SEC23IP: variants seen among roughly 807,000 people sequenced by gnomAD.
The protein encoded by SEC23IP is SEC23 interacting protein.
Under a neutral mutation model 113.4 loss-of-function variants are expected in SEC23IP, and 70 were observed. That is an observed-to-expected ratio of 0.62 (90% CI 0.51 to 0.75). The LOEUF is 0.75. Among genes scored for constraint, SEC23IP ranks in the 30% least tolerant of loss-of-function variants. The pLI is 0.00. For synonymous variants in SEC23IP, 398 were observed against 421.0 expected, an observed-to-expected ratio of 0.95 and a Z score of 0.67; for missense variants, 1,160 against 1,204.9, an observed-to-expected ratio of 0.96 and a Z score of 0.55.
chr10:119,939,156 TA>T (rs565366577), intron 18 of SEC23IP, among the ~76,000 whole-genome samples: 450 of 139,972 alleles, frequency 3.2e-3, no homozygotes, highest in Admixed American at 2.6e-3. Context: ...CTACTAAAAG[TA>T]AAAAAAAAAA....
chr10:119,900,635 C>T (rs1253581970), intron 2 of SEC23IP, among the ~76,000 whole-genome samples: 1 of 151,952 alleles, frequency 6.6e-6, no homozygotes, highest in Non-Finnish European at 1.5e-5. Context: ...CTCTGTTGTC[C>T]AGGTTGGAAT....
In SEC23IP at chr10:119,902,303, C is replaced by T. The variant is rs186413765; in HGVS notation, c.697-496C>T. On this transcript the variant is annotated intron_variant, in intron 2 of 18. Transcript: ENST00000369075. ...CTCGGGAGACGGAGGCTGTGCATTG[C>T]GCCGTTGCACTCCAGGCTGGGCAAG... 3.7e-3 allele frequency among the ~76,000 whole-genome samples: 560 copies of T among 152,238 alleles called. 1 individual carries two copies. Among genetic ancestry groups the T allele is most frequent in the African/African-American group, 0.013 (524 of 41,534 alleles).
intron 12 of SEC23IP, 43 bp from the exon 13 acceptor site, chr10:119,925,993 A>G (rs1384439935): frequency 1.3e-6 from 2 of 1,522,780 alleles, no homozygotes; most frequent in Non-Finnish European, 8.9e-7. Context: ...TGAGAGCTGA[A>G]CTTTTTCTCA....
intron 2 of SEC23IP, among the ~76,000 whole-genome samples, chr10:119,902,322 G>A (rs779528150): frequency 6.6e-6 from 1 of 152,252 alleles, no homozygotes; most frequent in East Asian, 1.9e-4. Context: ...ACTCCAGGCT[G>A]GGCAAGAAGA....
rs1189262953 is a variant in SEC23IP at position 119,933,710 on chromosome 10, A to G, written c.2946A>G (p.Leu982=). 2 of 1,586,192 alleles carry G rather than the reference A, an allele frequency of 1.3e-6. No individual in the cohort carries two copies. The highest frequency in any genetic ancestry group is 3.3e-5 in the Admixed American group (2 of 59,972). The change falls in exon 18 of 19, where the codon TTA becomes TTG. Residue 982 remains leucine (L), a synonymous_variant. Coordinates refer to ENST00000369075, the MANE Select transcript of SEC23IP (RefSeq NM_007190.4). The part of the protein sequence containing the change: ...CYWESEDTAL[L]LLKEIYRTMN... ...GGGAATCTGAAGATACTGCTCTGTTACTACTTAAAGAAATTTATCGAACAA... is the reference window on the plus strand; with the variant it reads ...GGGAATCTGAAGATACTGCTCTGTTGCTACTTAAAGAAATTTATCGAACAA...
At chr10:119,914,540 C>A (rs1261396790) in intron 6 of SEC23IP, 190 bp from the exon 7 acceptor site, 1 of 541,998 alleles carries the variant, frequency 1.8e-6, no homozygotes, top group Non-Finnish European at 3.3e-6. Flanking sequence ...TGTTCTAGTT[C>A]GCTTTTATAT....
chr10:119,900,263 A>G (rs1157277549), intron 2 of SEC23IP, among the ~76,000 whole-genome samples: 2 of 151,234 alleles, frequency 1.3e-5, no homozygotes, highest in Non-Finnish European at 2.9e-5. Flanking sequence ...ATGTGTATGT[A>G]TATGTACGTG....
chr10:119,898,796 C>G lies in SEC23IP; in HGVS notation c.533C>G (p.Pro178Arg). 6.2e-7 allele frequency: 1 copy of G among 1,614,190 alleles called. No homozygotes were observed. The highest frequency in any genetic ancestry group is 8.5e-7 in the Non-Finnish European group (1 of 1,180,038). The change falls in exon 2 of 19, where the codon CCA (proline) becomes CGA (arginine). Residue 178 changes from proline (P) to arginine (R), a missense_variant. Pro to Arg is a moderately radical substitution (Grantham distance 103, BLOSUM62 -2). Coordinates refer to ENST00000369075, the MANE Select transcript of SEC23IP (RefSeq NM_007190.4). ...AACCAACCCCAAGGAATTCCCCAAC[C>G]AGGATACAATCCATATCGCCATACC... The part of the protein sequence containing the change: ...FGNQPQGIPQ[P>R]GYNPYRHTPG...
intron 15 of SEC23IP, 93 bp from the exon 16 acceptor site, chr10:119,932,040 T>C (rs962698428): frequency 1.8e-5 from 14 of 777,878 alleles, no homozygotes; most frequent in African/African-American, 3.4e-5. Context: ...AACAGTCTTA[T>C]CCTGTCTGAG....
intron 12 of SEC23IP, among the ~76,000 whole-genome samples, chr10:119,923,553 G>GTT (rs1244146793): frequency 2.8e-5 from 4 of 142,790 alleles, no homozygotes; most frequent in African/African-American, 2.5e-5. Flanking sequence ...TGTTGGTTCC[G>GTT]TTTTTTTTTT....
At chr10:119,917,353 T>G (rs1255180187) in intron 8 of SEC23IP, among the ~76,000 whole-genome samples, 2 of 151,966 alleles carry the variant, frequency 1.3e-5, no homozygotes, top group South Asian at 2.1e-4. Flanking sequence ...GTGTGTGCCA[T>G]GACTTGTGGC....
rs762967285 is a variant in SEC23IP at position 119,933,756 on chromosome 10, C to T, written c.2992C>T (p.Pro998Ser). 3 of 1,575,482 alleles carry T rather than the reference C, an allele frequency of 1.9e-6. No individual in the cohort carries two copies. Among genetic ancestry groups the T allele is most frequent in the African/African-American group, 1.3e-5 (1 of 74,204 alleles). The change falls in exon 18 of 19, where the codon CCC (proline) becomes TCC (serine). Residue 998 changes from proline (P) to serine (S), a missense_variant. Coordinates refer to ENST00000369075, the MANE Select transcript of SEC23IP (RefSeq NM_007190.4). ...YRTMNISPEQ[P>S]QH is the part of the protein sequence containing the mutation. Reference sequence around the variant, plus strand: ...AACAATGAACATTAGTCCAGAACAGCCCCAGCATTGATCAAACTTCAGTTT... The same window carrying T: ...AACAATGAACATTAGTCCAGAACAGTCCCAGCATTGATCAAACTTCAGTTT...
At chr10:119,911,517 CCAGGCTGAAGTG>C (rs1287660956) in intron 5 of SEC23IP, among the ~76,000 whole-genome samples, 1 of 151,922 alleles carries the variant, frequency 6.6e-6, no homozygotes, top group African/African-American at 2.4e-5. Context: ...GCTCTGTTGC[CCAGGCTGAAGTG>C]CAGTAGCACA....
intron 4 of SEC23IP, 103 bp from the exon 5 acceptor site, chr10:119,908,938 C>CTGTTATTT: frequency 1.4e-6 from 1 of 716,902 alleles, no homozygotes. Context: ...ACTGCTATTA[C>CTGTTATTT]TGTTATTTTT....
chr10:119,925,926 C>A, intron 12 of SEC23IP, 110 bp from the exon 13 acceptor site: 1 of 848,814 alleles, frequency 1.2e-6, no homozygotes, highest in Non-Finnish European at 1.8e-6. Flanking sequence ...TGTTACTATT[C>A]CTAAGAAGTA....
chr10:119,928,916 G>A (rs1388876487), intron 13 of SEC23IP, among the ~76,000 whole-genome samples: 1 of 152,224 alleles, frequency 6.6e-6, no homozygotes, highest in East Asian at 1.9e-4. Context: ...CCGAGCTCGT[G>A]CTAAGCACTT....
chr10:119,908,896 TA>T (rs1421036583), intron 4 of SEC23IP, 144 bp from the exon 5 acceptor site: 5 of 600,944 alleles, frequency 8.3e-6, no homozygotes, highest in Non-Finnish European at 1.5e-5. Context: ...TGTAAGGTGA[TA>T]AAAAATATGT....
chr10:119,908,732 G>T (rs554293045), intron 4 of SEC23IP, among the ~76,000 whole-genome samples: 86 of 152,242 alleles, frequency 5.6e-4, no homozygotes, highest in African/African-American at 2.0e-3. Flanking sequence ...AGAACTATGG[G>T]ATGATACATT....
At chr10:119,940,485 C>A (rs1855930827) in intron 18 of SEC23IP, 101 bp from the exon 19 acceptor site, 2 of 152,248 alleles carry the variant, frequency 1.3e-5, no homozygotes, top group South Asian at 4.2e-4. Flanking sequence ...CCGTGCCTGG[C>A]CGATTGTCTG....
Sources: allele counts gnomAD v4.1 joint callset (sites outside exome capture counted in the v4.1 genomes callset), GRCh38; gene constraint gnomAD v4.1.1; transcripts MANE v1.5; gene names NCBI Gene and HGNC (gene_info 2026-07-23, HGNC 2026-07-21).